LRPAP1: variants seen among roughly 807,000 people sequenced by gnomAD.
The protein encoded by LRPAP1 is alpha-2-macroglobulin receptor-associated protein.
In LRPAP1, 41 loss-of-function variants were observed where a neutral mutation model predicts 39.9. The observed-to-expected ratio is 1.03, with a 90% CI of 0.80 to 1.33. LRPAP1 has a LOEUF of 1.33. Among genes scored for constraint, LRPAP1 ranks in the 40% most tolerant of loss-of-function variants. LRPAP1 has a pLI of 0.00. For missense variants in LRPAP1, 565 were observed against 482.3 expected (o/e 1.17, Z -1.61); for synonymous variants, 263 against 212.7 (o/e 1.24, Z -2.06).
Position 3,532,315 on chromosome 4 carries a change from C to A in LRPAP1, c.98G>T (p.Gly33Val). ...CTGGTTCTTCTCCCGCGAGTACTTG[C>A]CGCCGTGGCTCGCAGCGGGCCAGGG... The part of the protein sequence containing the change: ...LGPWPAASHG[G>V]KYSREKNQPK... The change falls in exon 1 of 8, where the codon GGC becomes GTC. Residue 33 changes from glycine (G) to valine (V), a missense_variant. Gly to Val is a moderately radical substitution (Grantham distance 109). Transcript: ENST00000650182. 6.3e-7 allele frequency: 1 copy of A among 1,581,262 alleles called. No individual in the cohort carries two copies. Among genetic ancestry groups the A allele is most frequent in the Non-Finnish European group, 8.6e-7 (1 of 1,163,342 alleles).
intron 5 of LRPAP1, chr4:3,517,800 C>A: frequency 2.1e-6 from 1 of 471,006 alleles, no homozygotes; most frequent in South Asian, 3.9e-5. Flanking sequence ...CCGCTGCCGC[C>A]ACTGCCCTCT....
At chr4:3,529,267 G>C (rs1048197105) in intron 1 of LRPAP1, among the ~76,000 whole-genome samples, 3 of 151,978 alleles carry the variant, frequency 2.0e-5, no homozygotes, top group Non-Finnish European at 4.4e-5. Flanking sequence ...AGGTTGCAGT[G>C]AGCCGAGATC....
rs368995062 is a variant in LRPAP1, at chr4:3,513,009, C to T, written c.1039G>A (p.Gly347Ser). The T allele has an allele frequency of 8.7e-6, 14 of 1,612,634 alleles. No individual in the cohort carries two copies. Among genetic ancestry groups the T allele is most frequent in the East Asian group, 2.2e-5 (1 of 44,832 alleles). The change falls in exon 8 of 8, where the codon GGC becomes AGC. Residue 347 changes from glycine to serine, a missense_variant. Physicochemically the swap from Gly to Ser is moderately conservative, Grantham distance 56. Transcript: ENST00000650182. ...TVKKHLQDLS[G>S]RISRARHNEL ...TTGTGCCGAGCTCTGGAGATCCTGCCGGACAGGTCCTGCAGATGCTTCTTC... is the reference window on the plus strand; with the variant it reads ...TTGTGCCGAGCTCTGGAGATCCTGCTGGACAGGTCCTGCAGATGCTTCTTC...
At chr4:3,517,995 C>A in intron 5 of LRPAP1, 39 bp downstream of exon 5, 1 of 1,558,484 alleles carries the variant, frequency 6.4e-7, no homozygotes, top group Non-Finnish European at 8.7e-7. Flanking sequence ...CAGAGACGGC[C>A]CCACCCTCGG....
chr4:3,505,680 C>T lies in LRPAP1; in HGVS notation c.*7294G>A, dbSNP rs968437154. Among the ~76,000 whole-genome samples, 3 of 152,222 alleles carry T rather than the reference C, an allele frequency of 2.0e-5. No homozygotes were observed. The highest frequency in any genetic ancestry group is 7.2e-5 in the African/African-American group (3 of 41,458). On this transcript the variant is annotated 3_prime_UTR_variant, in exon 8 of 8. Transcript: ENST00000650182. ...CCGTCTATACCAGCTACCCCAAGAC[C>T]GTCTATACCAGCTACCCCAAGACCG...
intron 1 of LRPAP1, among the ~76,000 whole-genome samples, chr4:3,527,943 C>G (rs1359083473): frequency 6.6e-6 from 1 of 152,218 alleles, no homozygotes. Flanking sequence ...CTCTGATTCC[C>G]CAACTCTCAG....
chr4:3,523,051 T>C (rs1029337049), intron 2 of LRPAP1, among the ~76,000 whole-genome samples: 85 of 152,276 alleles, frequency 5.6e-4, no homozygotes, highest in African/African-American at 1.9e-3. Context: ...CGCCGGCTCC[T>C]AGAGTCCCAC....
chr4:3,519,884 C>T (rs1729852228), intron 3 of LRPAP1, among the ~76,000 whole-genome samples, 188 bp downstream of exon 3: 1 of 152,208 alleles, frequency 6.6e-6, no homozygotes, highest in Non-Finnish European at 1.5e-5. Flanking sequence ...AAGGAATCTT[C>T]TAAACAGGAA....
chr4:3,524,842 AC>A, intron 2 of LRPAP1, 64 bp downstream of exon 2: 1 of 1,566,154 alleles, frequency 6.4e-7, no homozygotes, highest in Non-Finnish European at 8.8e-7. Context: ...CATCCAAAAC[AC>A]TGCCGCTCTC....
At chr4:3,516,066 G>GA in intron 6 of LRPAP1, 50 bp downstream of exon 6, 2 of 1,518,798 alleles carry the variant, frequency 1.3e-6, no homozygotes, top group Non-Finnish European at 1.8e-6. Flanking sequence ...AACTGCAAGA[G>GA]AATCTTCACC....
At position 3,506,757 on chromosome 4, in the gene LRPAP1, A is replaced by G. The variant is rs1021031014; in HGVS notation, c.*6217T>C. On this transcript the variant is annotated 3_prime_UTR_variant, in exon 8 of 8. Transcript: ENST00000650182. ...CTCAATTTGATGAGAAAATAGAAAG[A>G]CCACTAGAACGGAAAAATAAAAAAT... The G allele has an allele frequency of 6.6e-6, 1 of 152,226 alleles. No individual in the cohort carries two copies. The highest frequency in any genetic ancestry group is 6.5e-5 in the Admixed American group (1 of 15,278). The allele number at this position is 152,226 out of a possible 1,614,324, so 9.4% of individuals were successfully genotyped here. A position where few individuals can be genotyped will look rare whatever the true frequency, so the allele number is the denominator to read the frequency against.
At position 3,512,086 on chromosome 4, in the gene LRPAP1, A is replaced by G; in HGVS notation, c.*888T>C. ...GGACCCGAGCCTCTTCCAGGCTCAG[A>G]CACGGGAAGGGAACCACGCCTGGAG... is the stretch of plus-strand genomic sequence containing the variant. On this transcript the variant is annotated 3_prime_UTR_variant, in exon 8 of 8. Transcript: ENST00000650182. 1 of 147,602 alleles carries G rather than the reference A, an allele frequency of 6.8e-6. No individual in the cohort carries two copies. The highest frequency in any genetic ancestry group is 1.5e-5 in the Non-Finnish European group (1 of 66,992). 9.1% of individuals were successfully genotyped at this position (147,602 alleles called of 1,614,324 possible).
chr4:3,518,324 G>T, intron 4 of LRPAP1, 132 bp from the exon 5 acceptor site: 2 of 1,025,140 alleles, frequency 2.0e-6, no homozygotes. Context: ...TCCCCCTTCC[G>T]CGGTCCTGCA....
chr4:3,530,316 C>A (rs1730210483), intron 1 of LRPAP1, among the ~76,000 whole-genome samples: 1 of 152,208 alleles, frequency 6.6e-6, no homozygotes, highest in Non-Finnish European at 1.5e-5. Context: ...AGCACCGCCA[C>A]CCTCCAAGCT....
intron 4 of LRPAP1, 147 bp downstream of exon 4, chr4:3,518,724 G>A (rs1158773777): frequency 1.2e-5 from 7 of 584,328 alleles, no homozygotes; most frequent in African/African-American, 1.9e-5. Flanking sequence ...AACCCTGGGA[G>A]GGCGTCTGGT....
At chr4:3,524,676 C>G (rs1044097111) in intron 2 of LRPAP1, among the ~76,000 whole-genome samples, 1 of 152,232 alleles carries the variant, frequency 6.6e-6, no homozygotes, top group Admixed American at 6.5e-5. Flanking sequence ...TTAGCCCCCC[C>G]AAACACTGAA....
At chr4:3,519,891 G>A (rs1427690169) in intron 3 of LRPAP1, among the ~76,000 whole-genome samples, 181 bp downstream of exon 3, 1 of 152,180 alleles carries the variant, frequency 6.6e-6, no homozygotes, top group African/African-American at 2.4e-5. Context: ...CTTCTAAACA[G>A]GAAAGCTGAA....
rs1057489649 is a variant in LRPAP1 at position 3,511,629 on chromosome 4, T to C, written c.*1345A>G. On this transcript the variant is annotated 3_prime_UTR_variant, in exon 8 of 8. Coordinates refer to ENST00000650182, the MANE Select transcript of LRPAP1 (RefSeq NM_002337.4). ...TTGACCTTTCTCAGAAATGATAGCTTAGCGGATGTTTGGCAGATCTCAACA... is the reference window on the plus strand; with the variant it reads ...TTGACCTTTCTCAGAAATGATAGCTCAGCGGATGTTTGGCAGATCTCAACA... The C allele has an allele frequency of 7.2e-5, 11 of 152,300 alleles. No homozygotes were observed. The highest frequency in any genetic ancestry group is 1.0e-4 in the Non-Finnish European group (7 of 68,078). 9.4% of individuals were successfully genotyped at this position (152,300 alleles called of 1,614,324 possible).
Position 3,532,413 on chromosome 4 carries a change from C to T in LRPAP1, c.-1G>A, listed in dbSNP as rs984902631. On this transcript the variant is annotated 5_prime_UTR_variant, in exon 1 of 8. Coordinates refer to ENST00000650182, the MANE Select transcript of LRPAP1 (RefSeq NM_002337.4). ...ACGACCTGACCCTCCGCGGCGCCAT[C>T]TTCCTCTGCGACTGGCGCTGCGCGG... 1 of 1,562,644 alleles carries T rather than the reference C, an allele frequency of 6.4e-7. No homozygotes were observed. Among genetic ancestry groups the T allele is most frequent in the Non-Finnish European group, 8.6e-7 (1 of 1,156,312 alleles).
Sources: gnomAD v4.1 joint callset for allele counts (sites outside exome capture counted in the v4.1 genomes callset) on GRCh38, gnomAD v4.1.1 for gene constraint, MANE v1.5 for transcripts, NCBI Gene and HGNC (gene_info 2026-07-23, HGNC 2026-07-21) for gene names.